PRKCA: variants seen among roughly 807,000 people sequenced by gnomAD.
PRKCA encodes the protein protein kinase C alpha.
In PRKCA, 27 loss-of-function variants were observed where a neutral mutation model predicts 87.0. The observed-to-expected ratio is 0.31, with a 90% confidence interval of 0.23 to 0.43. The LOEUF (loss-of-function observed/expected upper bound fraction) is 0.43, where lower values mean the gene tolerates loss of function less well. Ranked by LOEUF, PRKCA falls within the 20% of genes least tolerant of loss-of-function variation. The pLI, the probability that PRKCA is intolerant of heterozygous loss-of-function variation, is 1.00. For missense variants in PRKCA, 518 were observed against 852.3 expected (o/e 0.61, Z 4.88); for synonymous variants, 329 against 311.1 (o/e 1.06, Z -0.61).
chr17:66,639,408 G>A (rs1375574343), intron 3 of PRKCA: 1 of 152,158 alleles, frequency 6.6e-6, no homozygotes, highest in African/African-American at 2.4e-5. Context: ...TATTTTTTGA[G>A]ATGGAGGCTC....
At chr17:66,626,793 C>T (rs758335603) in intron 3 of PRKCA, among the ~76,000 whole-genome samples, 5 of 152,210 alleles carry the variant, frequency 3.3e-5, no homozygotes, top group Non-Finnish European at 7.3e-5. Flanking sequence ...AGGCATGAGC[C>T]ATCGCGCCCT....
chr17:66,385,781 C>T (rs139232983), intron 2 of PRKCA, among the ~76,000 whole-genome samples: 391 of 151,980 alleles, frequency 2.6e-3, no homozygotes, highest in Non-Finnish European at 4.3e-3. Context: ...ATTTTTTTTC[C>T]GAGACGGCAT....
intron 2 of PRKCA, among the ~76,000 whole-genome samples, chr17:66,377,600 T>TTA (rs928669107): frequency 6.8e-6 from 1 of 146,374 alleles, no homozygotes; most frequent in African/African-American, 2.5e-5. Flanking sequence ...TGTCTATATT[T>TTA]TATATATATA....
At chr17:66,546,332 T>G (rs1968143638) in intron 3 of PRKCA, among the ~76,000 whole-genome samples, 1 of 152,252 alleles carries the variant, frequency 6.6e-6, no homozygotes, top group African/African-American at 2.4e-5. Context: ...TGTATTAGTT[T>G]CTAAGGCTGC....
In PRKCA at chr17:66,509,868, T is replaced by C. The variant is rs9905377; in HGVS notation, c.288+13585T>C. The stretch of plus-strand genomic sequence containing the variant: ...AATGCCTAGTATGATCTCTGACTTA[T>C]AGTAGGTGATCATTAATGTTTGTTG... On this transcript the variant is annotated intron_variant, in intron 3 of 16. Coordinates refer to ENST00000413366, the MANE Select transcript of PRKCA (RefSeq NM_002737.3). 5.9e-3 allele frequency among the ~76,000 whole-genome samples: 903 copies of C among 152,254 alleles called. 5 individuals carry two copies. The highest frequency in any genetic ancestry group is 0.041 in the Middle Eastern group (12 of 294).
At chr17:66,345,080 ATTTC>A (rs1167195186) in intron 2 of PRKCA, among the ~76,000 whole-genome samples, 1 of 152,024 alleles carries the variant, frequency 6.6e-6, no homozygotes, top group Non-Finnish European at 1.5e-5. Context: ...TTTGTCTCCT[ATTTC>A]TTTTGCAAAC....
intron 2 of PRKCA, chr17:66,339,754 G>A (rs1222386750): frequency 2.6e-5 from 4 of 152,094 alleles, no homozygotes; most frequent in African/African-American, 9.7e-5. Context: ...GTTTCCTTTT[G>A]CTGCATTAAC....
chr17:66,534,257 C>T (rs555533490), intron 3 of PRKCA, among the ~76,000 whole-genome samples: 1 of 152,238 alleles, frequency 6.6e-6, no homozygotes, highest in East Asian at 1.9e-4. Flanking sequence ...GTCTCTGAGG[C>T]ATGAGGGAGA....
intron 2 of PRKCA, among the ~76,000 whole-genome samples, chr17:66,443,410 A>AG (rs1913872343): frequency 6.6e-6 from 1 of 152,214 alleles, no homozygotes; most frequent in African/African-American, 2.4e-5. Context: ...AAATAAAGTG[A>AG]GGCTTCTTAG....
At chr17:66,670,354 T>A (rs1051552147) in intron 5 of PRKCA, among the ~76,000 whole-genome samples, 3 of 152,072 alleles carry the variant, frequency 2.0e-5, no homozygotes, top group African/African-American at 7.2e-5. Flanking sequence ...GCATTAGAGA[T>A]CCCATACTCC....
At chr17:66,647,229 G>A (rs1971480389) in intron 5 of PRKCA, among the ~76,000 whole-genome samples, 1 of 152,202 alleles carries the variant, frequency 6.6e-6, no homozygotes, top group African/African-American at 2.4e-5. Flanking sequence ...CAGCCGAGGG[G>A]AAAATTACCA....
rs369243056 is a variant in PRKCA, at chr17:66,496,351, G to A, written c.288+68G>A. 5 of 1,353,244 alleles carry A rather than the reference G, an allele frequency of 3.7e-6. No individual in the cohort carries two copies. In the South Asian group the frequency reaches 4.8e-5, roughly 13 times the overall value. The allele number at this position is 1,353,244 out of a possible 1,614,324, so 83.8% of individuals were successfully genotyped here. A position where few individuals can be genotyped will look rare whatever the true frequency, so the allele number is the denominator to read the frequency against. On this transcript the variant is annotated intron_variant, in intron 3 of 16. Coordinates refer to ENST00000413366, the MANE Select transcript of PRKCA (RefSeq NM_002737.3). ...CTGAGCTTTAATTTTTTTAACGCCT[G>A]TGCAACTGTTAGTTTTGGCACTTAC...
At chr17:66,629,995 T>G (rs1411992384) in intron 3 of PRKCA, among the ~76,000 whole-genome samples, 1 of 152,214 alleles carries the variant, frequency 6.6e-6, no homozygotes, top group Non-Finnish European at 1.5e-5. Flanking sequence ...GAAAGGTCCA[T>G]GGGAACTCTC....
chr17:66,539,412 T>C (rs1967901884), intron 3 of PRKCA, among the ~76,000 whole-genome samples: 1 of 152,052 alleles, frequency 6.6e-6, no homozygotes, highest in African/African-American at 2.4e-5. Flanking sequence ...GAAATCTTTT[T>C]TTTTTTTTTG....
Position 66,401,611 on chromosome 17 carries a change from A to G in PRKCA, c.206-94590A>G, listed in dbSNP as rs182907477. On this transcript the variant is annotated intron_variant, in intron 2 of 16. Transcript: ENST00000413366. ...GAGGTGGAGGCAGAGAGATTAGGTA[A>G]GAGGTTTTTGTGAAAGTTCAAGTGA... Among the ~76,000 whole-genome samples, 23 of 152,296 alleles carry G rather than the reference A, an allele frequency of 1.5e-4. No individual in the cohort carries two copies. In the East Asian group the frequency reaches 4.2e-3, roughly 28 times the overall value.
chr17:66,589,370 G>T (rs1002587072), intron 3 of PRKCA, among the ~76,000 whole-genome samples: 3 of 152,088 alleles, frequency 2.0e-5, no homozygotes, highest in Admixed American at 6.6e-5. Context: ...TAGATTGTAG[G>T]TTTTTTTACA....
rs759541428 is a variant in PRKCA, at chr17:66,773,942, A to G, written c.1525-45A>G. 5.6e-6 allele frequency: 9 copies of G among 1,612,254 alleles called. No homozygotes were observed. In the Admixed American group the frequency reaches 1.2e-4, roughly 21 times the overall value. ...TGACTTACCTGTTCTGACAGGGGCT[A>G]TTGGACTTACCACTAATGTAATTGA... is the stretch of plus-strand genomic sequence containing the variant. On this transcript the variant is annotated intron_variant, in intron 13 of 16. Coordinates refer to ENST00000413366, the MANE Select transcript of PRKCA (RefSeq NM_002737.3).
At chr17:66,666,095 G>A (rs1463702110) in intron 5 of PRKCA, among the ~76,000 whole-genome samples, 1 of 152,202 alleles carries the variant, frequency 6.6e-6, no homozygotes, top group Non-Finnish European at 1.5e-5. Flanking sequence ...AATCAGTGTA[G>A]AGAAGATACC....
intron 3 of PRKCA, among the ~76,000 whole-genome samples, chr17:66,580,619 A>T (rs139569338): frequency 1.6e-3 from 251 of 152,332 alleles, no homozygotes; most frequent in African/African-American, 5.8e-3. Context: ...GTTTTTATAT[A>T]AACTTTACTG....
Sources: allele counts gnomAD v4.1 joint callset (sites outside exome capture counted in the v4.1 genomes callset), GRCh38; gene constraint gnomAD v4.1.1; transcripts MANE v1.5; gene names NCBI Gene and HGNC (gene_info 2026-07-23, HGNC 2026-07-21).